UBN2: variants seen among roughly 807,000 people sequenced by gnomAD.
The protein encoded by UBN2 is ubinuclein-2.
In UBN2, 35 loss-of-function variants were observed where a neutral mutation model predicts 120.2. The ratio of observed to expected loss-of-function variants is 0.29; its 90% confidence interval spans 0.22 to 0.39. The LOEUF (loss-of-function observed/expected upper bound fraction) is 0.39. Ranked by LOEUF, UBN2 falls within the 10% of genes least tolerant of loss-of-function variation. The probability of loss-of-function intolerance (pLI) is 1.00; values close to 1 mark genes in which losing one functional copy is unlikely to be tolerated. For missense variants in UBN2, 1,693 were observed against 1,663.2 expected, an observed-to-expected ratio of 1.02 and a Z score of -0.31; for synonymous variants, 661 against 648.7, an observed-to-expected ratio of 1.02 and a Z score of -0.29.
At chr7:139,324,482 G>C in the UBN2 span, among the ~76,000 whole-genome samples, 1 of 141,332 alleles carries the variant, frequency 7.1e-6, no homozygotes, top group African/African-American at 2.7e-5. Flanking sequence ...CGTGAAGCCA[G>C]AAGGCGGAGC....
Position 139,272,419 on chromosome 7 carries a change from G to T in UBN2, c.1694G>T (p.Arg565Leu). The change falls in exon 9 of 18, where the codon CGT (arginine) becomes CTT (leucine). Residue 565 changes from arginine (R) to leucine (L), a missense_variant. Physicochemically the swap from Arg to Leu is moderately radical, Grantham distance 102 (BLOSUM62 -2). Coordinates refer to ENST00000473989, the MANE Select transcript of UBN2 (RefSeq NM_173569.4). ...LFKYQEDCQA[R>L]SQAKCAKLQT... ...AAATACCAGGAGGACTGCCAGGCTC[G>T]TAGTCAAGCTAAGTGTGCCAAGTAT... The T allele has an allele frequency of 1.2e-6, 2 of 1,613,046 alleles. No individual in the cohort carries two copies. Among genetic ancestry groups the T allele is most frequent in the Non-Finnish European group, 1.7e-6 (2 of 1,179,720 alleles).
rs1254372704 is a variant in UBN2, at chr7:139,231,265, A to C, written c.-220A>C. 6.6e-6 allele frequency among the ~76,000 whole-genome samples: 1 copy of C among 152,356 alleles called. No homozygotes were observed. The highest frequency in any genetic ancestry group is 1.9e-4 in the East Asian group (1 of 5,180). On this transcript the variant is annotated 5_prime_UTR_variant, in exon 1 of 18. An upstream start codon of the reference 5' UTR is lost. Transcript: ENST00000473989. ...CTTCTATTTATGTGGGGGATCCAAC[A>C]TGGCGGCCGCGGCGACCCTGGCGAT... is the stretch of plus-strand genomic sequence containing the variant.
At chr7:139,238,981 T>A (rs952982191) in intron 2 of UBN2, among the ~76,000 whole-genome samples, 1 of 152,328 alleles carries the variant, frequency 6.6e-6, no homozygotes, top group African/African-American at 2.4e-5. Context: ...CTGTGTTTTT[T>A]ATACAAGTTA....
chr7:139,239,044 A>C (rs764567489), intron 2 of UBN2, among the ~76,000 whole-genome samples: 1 of 152,182 alleles, frequency 6.6e-6, no homozygotes, highest in Non-Finnish European at 1.5e-5. Flanking sequence ...TGTGGCTCAA[A>C]ATTCAAAAAT....
chr7:139,265,030 A>G (rs1797054639), intron 6 of UBN2, among the ~76,000 whole-genome samples: 1 of 152,130 alleles, frequency 6.6e-6, no homozygotes, highest in South Asian at 2.1e-4. Context: ...CATTTGAATT[A>G]TTGTCTTCTA....
At chr7:139,327,722 A>G in the UBN2 span, among the ~76,000 whole-genome samples, 2 of 152,202 alleles carry the variant, frequency 1.3e-5, no homozygotes, top group African/African-American at 4.8e-5. Flanking sequence ...ACTCTGCCTT[A>G]ATGAACTAAT....
intron 7 of UBN2, 32 bp downstream of exon 7, chr7:139,266,435 AAGAATGATACATT>A: frequency 7.7e-7 from 1 of 1,301,956 alleles, no homozygotes; most frequent in Non-Finnish European, 1.1e-6. Context: ...AAAAAACCTT[AAGAATGATACATT>A]AAAAAATGTA....
chr7:139,248,686 A>G (rs1322485951), intron 2 of UBN2, among the ~76,000 whole-genome samples: 1 of 152,008 alleles, frequency 6.6e-6, no homozygotes, highest in East Asian at 1.9e-4. Flanking sequence ...ATGTGGCAGG[A>G]CTAGTCCTCT....
rs1798020965 is a variant in UBN2 at position 139,293,446 on chromosome 7, A to G, written c.3884A>G (p.His1295Arg). The G allele has an allele frequency of 4.3e-6, 7 of 1,614,158 alleles. No homozygotes were observed. Among genetic ancestry groups the G allele is most frequent in the South Asian group, 1.1e-5 (1 of 91,080 alleles). ...TCGGGATCTACCTCAGCCGCTTTCC[A>G]CCATAGCCTAACTCAGAGTAAGTGG... ...TTSGSTSAAF[H>R]HSLTQNLLKG... The change falls in exon 16 of 18, where the codon CAC becomes CGC. Residue 1295 changes from histidine (H) to arginine (R), a missense_variant. His to Arg is a conservative substitution (Grantham distance 29). Coordinates refer to ENST00000473989, the MANE Select transcript of UBN2 (RefSeq NM_173569.4).
At position 139,297,816 on chromosome 7, in the gene UBN2, T is replaced by C; in HGVS notation, c.4024T>C (p.Leu1342=). ...AGGCCAAAGTAAAGGGGACACTAAA[T>C]TACCACGGAAATCTCAGTGACTGCC... ...DGGQSKGDTK[L]PRKSQ is the part of the protein sequence containing the mutation. The change falls in exon 18 of 18, where the codon TTA becomes CTA. Residue 1342 remains leucine (L), a synonymous_variant. Coordinates refer to ENST00000473989, the MANE Select transcript of UBN2 (RefSeq NM_173569.4). 1.2e-6 allele frequency: 2 copies of C among 1,614,120 alleles called. No homozygotes were observed. The highest frequency in any genetic ancestry group is 1.7e-6 in the Non-Finnish European group (2 of 1,180,010).
rs1215316856 is a variant in UBN2, at chr7:139,283,575, T to C, written c.2670T>C (p.Ser890=). ...GLQRSSQIHT[S]SSSQTHVSSS... is the part of the protein sequence containing the mutation. ...AGAGGTCAAGCCAGATTCACACTTC[T>C]TCCTCTTCACAGACCCATGTCTCCT... The change falls in exon 15 of 18, where the codon TCT becomes TCC. Residue 890 remains serine (S), a synonymous_variant. Transcript: ENST00000473989. 2.5e-6 allele frequency: 4 copies of C among 1,614,082 alleles called. No homozygotes were observed. In the African/African-American group the frequency reaches 4.0e-5, roughly 16 times the overall value.
chr7:139,232,652 T>G (rs1796059396), intron 1 of UBN2, among the ~76,000 whole-genome samples: 1 of 152,198 alleles, frequency 6.6e-6, no homozygotes, highest in Admixed American at 6.5e-5. Context: ...ATATTGTAAT[T>G]GAATGGGAAG....
rs1798261348 is a variant in UBN2, at chr7:139,301,697, G to GT, written c.*3867dup. The stretch of plus-strand genomic sequence containing the variant: ...GAATTTGTTTGCTTTTTTTTTGTTT[G>GT]TTTTTTGTTTTGTTTCTGTTTTTGT... On this transcript the variant is annotated 3_prime_UTR_variant, in exon 18 of 18. Transcript: ENST00000473989. 1 of 150,964 alleles carries GT rather than the reference G, an allele frequency of 6.6e-6. No homozygotes were observed. The highest frequency in any genetic ancestry group is 2.1e-4 in the South Asian group (1 of 4,786). The allele number at this position is 150,964 out of a possible 1,614,324, so 9.4% of individuals were successfully genotyped here.
At chr7:139,237,195 C>G (rs1584983009) in intron 2 of UBN2, 98 bp downstream of exon 2, 2 of 701,934 alleles carry the variant, frequency 2.8e-6, no homozygotes, top group East Asian at 5.8e-5. Flanking sequence ...CGTTGCCTGC[C>G]TTACTTTGTT....
the UBN2 span, among the ~76,000 whole-genome samples, chr7:139,321,972 G>C: frequency 8.6e-5 from 13 of 151,964 alleles, no homozygotes; most frequent in Non-Finnish European, 1.5e-4. Context: ...CTAATAACTA[G>C]AAAAAGAGAC....
intron 2 of UBN2, among the ~76,000 whole-genome samples, chr7:139,245,414 T>C (rs1453450324): frequency 2.6e-5 from 4 of 152,210 alleles, no homozygotes; most frequent in Non-Finnish European, 5.9e-5. Flanking sequence ...TTAAGTCTTT[T>C]ATTTGCTCCC....
At chr7:139,241,859 A>C (rs556053173) in intron 2 of UBN2, among the ~76,000 whole-genome samples, 1 of 152,254 alleles carries the variant, frequency 6.6e-6, no homozygotes, top group Non-Finnish European at 1.5e-5. Context: ...TTAGCTGGGC[A>C]TGGTGGTGGG....
the UBN2 span, among the ~76,000 whole-genome samples, chr7:139,327,820 A>G: frequency 2.6e-5 from 4 of 152,210 alleles, no homozygotes; most frequent in Non-Finnish European, 4.4e-5. Flanking sequence ...TTGAAGACCT[A>G]TTTCCAGAAG....
chr7:139,258,903 T>C (rs1345784167), intron 4 of UBN2, among the ~76,000 whole-genome samples: 3 of 152,208 alleles, frequency 2.0e-5, no homozygotes, highest in South Asian at 4.1e-4. Flanking sequence ...GATAGGTTAA[T>C]ATTAATAGCT....
Sources: gnomAD v4.1 joint callset for allele counts (sites outside exome capture counted in the v4.1 genomes callset) on GRCh38, gnomAD v4.1.1 for gene constraint, MANE v1.5 for transcripts, NCBI Gene and HGNC (gene_info 2026-07-23, HGNC 2026-07-21) for gene names.